Variants in PBX3 observed in about 807,000 individuals in gnomAD.
PBX3 encodes the protein PBX homeobox 3, also known as pre-B-cell leukemia transcription factor 3.
In PBX3, 14 loss-of-function variants were observed where a neutral mutation model predicts 48.5. The ratio of observed to expected loss-of-function variants is 0.29; its 90% CI spans 0.19 to 0.45. The LOEUF is 0.45. Among genes scored for constraint, PBX3 ranks in the 20% least tolerant of loss-of-function variants. PBX3 has a pLI of 1.00. For missense variants in PBX3, 386 were observed against 546.7 expected, an observed-to-expected ratio of 0.71 and a Z score of 2.93; for synonymous variants, 210 against 200.3, an observed-to-expected ratio of 1.05 and a Z score of -0.41.
At chr9:125,900,036 T>C (rs1461828265) in intron 2 of PBX3, among the ~76,000 whole-genome samples, 1 of 151,714 alleles carries the variant, frequency 6.6e-6, no homozygotes, top group African/African-American at 2.4e-5. Context: ...TAGTATTGTA[T>C]CATCAGTTAA....
rs557911022 is a variant in PBX3 at position 125,871,300 on chromosome 9, A to G, written c.275-44386A>G. On this transcript the variant is annotated intron_variant, in intron 2 of 8. Transcript: ENST00000373489. ...TAGTCCCAGCTATAGGCTGAGGCAG[A>G]AGAATCACTTGAACCCGGGAGGTGG... Among the ~76,000 whole-genome samples, 61 of 151,992 alleles carry G rather than the reference A, an allele frequency of 4.0e-4. No individual in the cohort carries two copies. The South Asian group carries it at 0.012, about 30-fold the overall frequency.
chr9:125,844,149 G>T (rs567570667), intron 2 of PBX3, among the ~76,000 whole-genome samples: 1 of 152,064 alleles, frequency 6.6e-6, no homozygotes, highest in South Asian at 2.1e-4. Context: ...AAAAAGTAAA[G>T]AATCTGTTTT....
intron 2 of PBX3, among the ~76,000 whole-genome samples, chr9:125,855,233 A>G (rs377387174): frequency 4.5e-4 from 68 of 152,312 alleles, no homozygotes; most frequent in African/African-American, 1.6e-3. Context: ...TTAGTTGAGA[A>G]TCAGTCCAAG....
chr9:125,943,464 C>T (rs1170518709), intron 5 of PBX3, among the ~76,000 whole-genome samples: 5 of 148,024 alleles, frequency 3.4e-5, no homozygotes, highest in Non-Finnish European at 6.0e-5. Flanking sequence ...TGGAAGAAGT[C>T]ATAATCAGAA....
chr9:125,893,790 C>T (rs901632231), intron 2 of PBX3, among the ~76,000 whole-genome samples: 10 of 152,122 alleles, frequency 6.6e-5, no homozygotes, highest in Non-Finnish European at 5.9e-5. Flanking sequence ...CCTGTTAGAA[C>T]ATTCACGCTT....
chr9:125,939,935 G>A (rs1841923111), intron 5 of PBX3, among the ~76,000 whole-genome samples: 1 of 152,226 alleles, frequency 6.6e-6, no homozygotes, highest in Admixed American at 6.5e-5. Flanking sequence ...GCCGGGTGTG[G>A]TGGCTCACGC....
chr9:125,777,291 GTGTGAGC>G (rs1837099757), intron 2 of PBX3, among the ~76,000 whole-genome samples: 1 of 151,974 alleles, frequency 6.6e-6, no homozygotes, highest in African/African-American at 2.4e-5. Context: ...AGGATTACAA[GTGTGAGC>G]CGCTGCTCCC....
chr9:125,945,426 A>G (rs1465740930), intron 5 of PBX3, among the ~76,000 whole-genome samples: 1 of 151,882 alleles, frequency 6.6e-6, no homozygotes, highest in Non-Finnish European at 1.5e-5. Flanking sequence ...ATTAATTTCT[A>G]CTCCTTCAAA....
intron 2 of PBX3, among the ~76,000 whole-genome samples, chr9:125,810,911 G>C (rs58511290): frequency 0.024 from 3,632 of 152,212 alleles, 137 homozygotes; most frequent in African/African-American, 0.084. Flanking sequence ...GCGAGGTGTG[G>C]TATCTGTGCC....
At chr9:125,832,346 C>T (rs1055561756) in intron 2 of PBX3, among the ~76,000 whole-genome samples, 13 of 152,030 alleles carry the variant, frequency 8.6e-5, no homozygotes, top group African/African-American at 2.9e-4. Context: ...CAGGCGCCCG[C>T]CACCACGCCT....
chr9:125,964,445 C>T (rs1055422030), intron 8 of PBX3, among the ~76,000 whole-genome samples: 1 of 151,444 alleles, frequency 6.6e-6, no homozygotes, highest in Non-Finnish European at 1.5e-5. Flanking sequence ...GAGAGTCCAC[C>T]GAACACACAT....
At chr9:125,780,070 C>A (rs1837212568) in intron 2 of PBX3, among the ~76,000 whole-genome samples, 2 of 135,250 alleles carry the variant, frequency 1.5e-5, no homozygotes, top group African/African-American at 5.6e-5. Flanking sequence ...GGGGCTGACC[C>A]CCCCACCTCC....
chr9:125,892,702 G>A (rs144503326), intron 2 of PBX3, among the ~76,000 whole-genome samples: 27 of 152,268 alleles, frequency 1.8e-4, no homozygotes, highest in Non-Finnish European at 2.8e-4. Flanking sequence ...TAAAAATGCA[G>A]AACTGCCTGA....
intron 5 of PBX3, among the ~76,000 whole-genome samples, chr9:125,947,385 T>C (rs1282640933): frequency 6.6e-6 from 1 of 152,168 alleles, no homozygotes; most frequent in Non-Finnish European, 1.5e-5. Context: ...AGAGTAAGTG[T>C]TCTAAGACTC....
At chr9:125,870,027 T>TG (rs1377975730) in intron 2 of PBX3, among the ~76,000 whole-genome samples, 1 of 137,764 alleles carries the variant, frequency 7.3e-6, no homozygotes, top group African/African-American at 2.8e-5. Flanking sequence ...AAGGCACATC[T>TG]TTTTTTTTTT....
intron 5 of PBX3, among the ~76,000 whole-genome samples, chr9:125,942,536 G>A (rs999793019): frequency 4.6e-5 from 7 of 152,036 alleles, no homozygotes; most frequent in Non-Finnish European, 1.0e-4. Context: ...AATAATTAGA[G>A]CAGGAAAAAA....
intron 2 of PBX3, among the ~76,000 whole-genome samples, chr9:125,901,090 G>A (rs183372001): frequency 6.6e-6 from 1 of 151,732 alleles, no homozygotes; most frequent in African/African-American, 2.4e-5. Context: ...TTTGAAAACT[G>A]AAAGAAAATT....
chr9:125,823,105 A>G (rs1054205319), intron 2 of PBX3, among the ~76,000 whole-genome samples: 1 of 152,084 alleles, frequency 6.6e-6, no homozygotes, highest in Non-Finnish European at 1.5e-5. Flanking sequence ...AGTTTGTGGT[A>G]TGGTCATATT....
intron 2 of PBX3, among the ~76,000 whole-genome samples, chr9:125,846,999 T>C (rs1168428524): frequency 6.6e-6 from 1 of 152,024 alleles, no homozygotes; most frequent in African/African-American, 2.4e-5. Context: ...CCCCATGGTA[T>C]AGTTTAACAT....
Sources: allele counts gnomAD v4.1 joint callset (sites outside exome capture counted in the v4.1 genomes callset), GRCh38; gene constraint gnomAD v4.1.1; transcripts MANE v1.5; gene names NCBI Gene and HGNC (gene_info 2026-07-23, HGNC 2026-07-21).